The following ITIH2 variants were observed in gnomAD, a reference collection of about 807,000 sequenced individuals.
ITIH2 encodes inter-alpha-trypsin inhibitor heavy chain H2.
ITIH2 carries 103 observed loss-of-function variants against 104.4 expected under a neutral mutation model. The ratio of observed to expected loss-of-function variants is 0.99; its 90% CI spans 0.84 to 1.16. The LOEUF (loss-of-function observed/expected upper bound fraction) is 1.16, where lower values mean the gene tolerates loss of function less well. ITIH2 is among the 50% of genes most tolerant of loss of function. ITIH2 has a pLI of 0.00. For synonymous variants in ITIH2, 436 were observed against 435.4 expected (o/e 1.00, Z -0.02); for missense variants, 1,108 against 1,162.4 (o/e 0.95, Z 0.68).
At position 7,723,442 on chromosome 10, in the gene ITIH2, A is replaced by G; in HGVS notation, c.868-9A>G. The G allele has an allele frequency of 3.9e-6, 6 of 1,550,628 alleles. No homozygotes were observed. The highest frequency in any genetic ancestry group is 5.3e-6 in the Non-Finnish European group (6 of 1,122,500). Reference sequence around the variant, plus strand: ...ATGATTTGACTCACAAATACCTTCTATTTTTCAGGTGTTTAATGGATATTT... The same window carrying G: ...ATGATTTGACTCACAAATACCTTCTGTTTTTCAGGTGTTTAATGGATATTT... On this transcript the variant is annotated splice_polypyrimidine_tract_variant and intron_variant, in intron 8 of 20. Transcript: ENST00000358415.
At chr10:7,746,447 C>T (rs1835178486) in intron 19 of ITIH2, 146 bp from the exon 20 acceptor site, 1 of 608,996 alleles carries the variant, frequency 1.6e-6, no homozygotes, top group Non-Finnish European at 3.0e-6. Flanking sequence ...CCCTCCCTCC[C>T]ATCACCACTC....
At chr10:7,746,816 T>G (rs988312504) in intron 20 of ITIH2, 112 bp downstream of exon 20, 14 of 657,700 alleles carry the variant, frequency 2.1e-5, no homozygotes, top group Admixed American at 1.0e-4. Context: ...TACATCACAC[T>G]AAGCAGTTCA....
At chr10:7,745,969 G>A (rs1185881459) in intron 19 of ITIH2, among the ~76,000 whole-genome samples, 1 of 147,838 alleles carries the variant, frequency 6.8e-6, no homozygotes, top group Non-Finnish European at 1.5e-5. Flanking sequence ...GGTCAGGCTG[G>A]TCTCAAACTC....
intron 18 of ITIH2, 111 bp downstream of exon 18, chr10:7,744,391 G>C: frequency 2.1e-6 from 2 of 969,376 alleles, no homozygotes; most frequent in Non-Finnish European, 3.1e-6. Flanking sequence ...TTAAATATAA[G>C]GAAGTTGAGG....
rs41290285 is a variant in ITIH2, at chr10:7,721,783, T to C, written c.867+6T>C. The C allele has an allele frequency of 0.022, 35,799 of 1,613,386 alleles. 444 individuals are homozygous for C. Among genetic ancestry groups the C allele is most frequent in the Middle Eastern group, 0.033 (200 of 6,056 alleles). ...AGAAGGCTGGTGAACTGGAGGTGAG[T>C]GCACACCGGCTCTGGTTCTACTGCC... On this transcript the variant is annotated splice_donor_region_variant and intron_variant, in intron 8 of 20. Coordinates refer to ENST00000358415, the MANE Select transcript of ITIH2 (RefSeq NM_002216.3).
At chr10:7,730,508 C>T (rs1834992419) in intron 12 of ITIH2, among the ~76,000 whole-genome samples, 1 of 152,130 alleles carries the variant, frequency 6.6e-6, no homozygotes, top group South Asian at 2.1e-4. Context: ...CAATTTTTCA[C>T]AGTGTAAATT....
chr10:7,747,817 T>C (rs77086133), intron 20 of ITIH2, among the ~76,000 whole-genome samples: 6,115 of 152,270 alleles, frequency 0.04, 191 homozygotes, highest in Non-Finnish European at 0.055. Flanking sequence ...GAGGATCCGT[T>C]GAACCCAGGA....
chr10:7,714,701 C>T (rs868523345), intron 5 of ITIH2, among the ~76,000 whole-genome samples: 2 of 152,134 alleles, frequency 1.3e-5, no homozygotes, highest in Non-Finnish European at 2.9e-5. Context: ...CCTGTGACAA[C>T]AATATCTGCA....
At chr10:7,720,717 G>C in intron 6 of ITIH2, 139 bp from the exon 7 acceptor site, 1 of 586,228 alleles carries the variant, frequency 1.7e-6, no homozygotes, top group East Asian at 3.1e-5. Context: ...TGCAGATCCT[G>C]CAGGAGAGAT....
At chr10:7,715,364 T>A (rs1834837721) in intron 5 of ITIH2, among the ~76,000 whole-genome samples, 1 of 151,912 alleles carries the variant, frequency 6.6e-6, no homozygotes, top group Admixed American at 6.6e-5. Flanking sequence ...GAGGTTGCAG[T>A]GAGTCGACAT....
rs574096311 is a variant in ITIH2 at position 7,727,553 on chromosome 10, G to A, written c.1154-150G>A. 4.9e-5 allele frequency: 45 copies of A among 918,724 alleles called. No homozygotes were observed. In the African/African-American group the frequency reaches 6.9e-4, roughly 14 times the overall value. 56.9% of individuals were successfully genotyped at this position (918,724 alleles called of 1,614,324 possible). A position where few individuals can be genotyped will look rare whatever the true frequency, so the allele number is the denominator to read the frequency against. On this transcript the variant is annotated intron_variant, in intron 10 of 20. Transcript: ENST00000358415. ...CTGGGGGACCACCAGCTTGAGCACA[G>A]TTTGTGTCACTCAGAAAGCAATGAA...
chr10:7,719,577 C>T lies in ITIH2; in HGVS notation c.631-1279C>T, dbSNP rs148476699. ...CTGAGTGACAGCCTGGGCAGCACAG[C>T]GATACCTCACCTCTACTGAAAATAA... On this transcript the variant is annotated intron_variant, in intron 6 of 20. Coordinates refer to ENST00000358415, the MANE Select transcript of ITIH2 (RefSeq NM_002216.3). Among the ~76,000 whole-genome samples the T allele has an allele frequency of 6.3e-4, 96 of 151,864 alleles. No individual in the cohort carries two copies. The East Asian group carries it at 0.016, about 26-fold the overall frequency.
chr10:7,704,599 A>G (rs1438399142), intron 1 of ITIH2, among the ~76,000 whole-genome samples: 1 of 152,174 alleles, frequency 6.6e-6, no homozygotes, highest in Non-Finnish European at 1.5e-5. Flanking sequence ...GGCAAACTCA[A>G]AAATGAATTC....
chr10:7,721,530 T>A, intron 7 of ITIH2, 119 bp from the exon 8 acceptor site: 4 of 851,342 alleles, frequency 4.7e-6, no homozygotes, highest in Non-Finnish European at 7.4e-6. Context: ...TCCACCGATA[T>A]CGCGGGGATT....
At chr10:7,710,433 T>C (rs1834786751) in intron 4 of ITIH2, among the ~76,000 whole-genome samples, 1 of 152,224 alleles carries the variant, frequency 6.6e-6, no homozygotes, top group Non-Finnish European at 1.5e-5. Flanking sequence ...TATGTCCAAA[T>C]ATCAAGGTGG....
intron 4 of ITIH2, among the ~76,000 whole-genome samples, chr10:7,711,025 T>A (rs1834792456): frequency 6.6e-6 from 1 of 151,792 alleles, no homozygotes; most frequent in Non-Finnish European, 1.5e-5. Context: ...GCACCTATCA[T>A]CCCATCATCT....
intron 19 of ITIH2, among the ~76,000 whole-genome samples, chr10:7,745,609 T>C (rs555474839): frequency 2.8e-4 from 43 of 151,752 alleles, no homozygotes; most frequent in Non-Finnish European, 6.2e-4. Flanking sequence ...ATTAGCAGGG[T>C]ATGGTGGAGC....
At chr10:7,727,267 C>T (rs1834959452) in intron 10 of ITIH2, 149 bp downstream of exon 10, 1 of 672,938 alleles carries the variant, frequency 1.5e-6, no homozygotes, top group Admixed American at 3.2e-5. Flanking sequence ...TGGATGAATG[C>T]TAAGTTTGTA....
intron 15 of ITIH2, 144 bp downstream of exon 15, chr10:7,735,235 C>A: frequency 1.5e-6 from 1 of 652,630 alleles, no homozygotes; most frequent in Non-Finnish European, 2.5e-6. Flanking sequence ...GCTCTTCCTG[C>A]CAGCTGGGAG....
Sources: allele counts gnomAD v4.1 joint callset (sites outside exome capture counted in the v4.1 genomes callset), GRCh38; gene constraint gnomAD v4.1.1; transcripts MANE v1.5; gene names NCBI Gene and HGNC (gene_info 2026-07-23, HGNC 2026-07-21).